CEACAM1: variants seen among roughly 807,000 people sequenced by gnomAD.
CEACAM1 encodes CEA cell adhesion molecule 1, also known as cell adhesion molecule CEACAM1.
In CEACAM1, 31 loss-of-function variants were observed where a neutral mutation model predicts 49.1. The observed-to-expected ratio is 0.63, with a 90% CI of 0.47 to 0.85. The LOEUF (loss-of-function observed/expected upper bound fraction) is 0.85. Ranked by LOEUF, CEACAM1 falls within the 40% of genes least tolerant of loss-of-function variation. CEACAM1 has a pLI of 0.00. For missense variants in CEACAM1, 570 were observed against 645.3 expected (o/e 0.88, Z 1.26); for synonymous variants, 244 against 247.8 (o/e 0.98, Z 0.14).
intron 3 of CEACAM1, 38 bp from the exon 4 acceptor site, chr19:42,521,559 A>G: frequency 6.3e-7 from 1 of 1,598,770 alleles, no homozygotes; most frequent in Non-Finnish European, 8.5e-7. Flanking sequence ...TGATGTCATC[A>G]GAGGGAAGGG....
At position 42,521,275 on chromosome 19, in the gene CEACAM1, A is replaced by G. The variant is rs971230263; in HGVS notation, c.950T>C (p.Ile317Thr). 8 of 1,614,142 alleles carry G rather than the reference A, an allele frequency of 5.0e-6. No homozygotes were observed. In the Admixed American group the frequency reaches 6.7e-5, roughly 13 times the overall value. The change falls in exon 4 of 9, where the codon ATA becomes ACA. Residue 317 changes from isoleucine to threonine, a missense_variant. Physicochemically the swap from Ile to Thr is moderately conservative, Grantham distance 89. Coordinates refer to ENST00000161559, the MANE Select transcript of CEACAM1 (RefSeq NM_001712.5). ...CTCCAGGAATTACTTACCAGTGACT[A>G]TGATCGTCTTGACTGTGGTCCTGTT... ...GCNRTTVKTIIVTELSPVVAK... is the reference protein window; with the variant it reads ...GCNRTTVKTITVTELSPVVAK...
intron 2 of CEACAM1, among the ~76,000 whole-genome samples, chr19:42,526,208 G>C (rs1429838904): frequency 6.6e-6 from 1 of 152,002 alleles, no homozygotes; most frequent in Non-Finnish European, 1.5e-5. Flanking sequence ...CATCCACCTC[G>C]GCCTCCCAAA....
rs551715375 is a variant in CEACAM1, at chr19:42,508,253, C to T, written c.*856G>A. ...ATTCTTTAACAATAATTTAAATAAT[C>T]GCTGAAGGGCAGCTCTCTGATTCCT... On this transcript the variant is annotated 3_prime_UTR_variant, in exon 9 of 9. Coordinates refer to ENST00000161559, the MANE Select transcript of CEACAM1 (RefSeq NM_001712.5). 3.3e-5 allele frequency: 5 copies of T among 152,276 alleles called. No individual in the cohort carries two copies. Among genetic ancestry groups the T allele is most frequent in the Admixed American group, 6.5e-5 (1 of 15,288 alleles). 9.4% of individuals were successfully genotyped at this position (152,276 alleles called of 1,614,324 possible). A position where few individuals can be genotyped will look rare whatever the true frequency, so the allele number is the denominator to read the frequency against.
intron 1 of CEACAM1, 70 bp downstream of exon 1, chr19:42,528,241 C>T: frequency 7.2e-7 from 1 of 1,392,288 alleles, no homozygotes; most frequent in Non-Finnish European, 1.0e-6. Context: ...GAGCTCCATC[C>T]TCCCCAGAGG....
At chr19:42,518,627 A>G (rs941481324) in intron 5 of CEACAM1, 11 of 302,084 alleles carry the variant, frequency 3.6e-5, no homozygotes, top group Non-Finnish European at 6.3e-5. Context: ...CCTCCCGAGT[A>G]GCTGGGACTA....
intron 4 of CEACAM1, among the ~76,000 whole-genome samples, chr19:42,520,251 C>CTA (rs1445378386): frequency 2.0e-5 from 3 of 152,262 alleles, no homozygotes; most frequent in African/African-American, 7.2e-5. Context: ...GTGCTCTGTG[C>CTA]TATCCCATGT....
chr19:42,513,136 G>A (rs1237871866), intron 5 of CEACAM1, among the ~76,000 whole-genome samples: 3 of 152,216 alleles, frequency 2.0e-5, no homozygotes, highest in African/African-American at 7.2e-5. Context: ...CAGTGTCTCA[G>A]TTGTGGCAGT....
intron 2 of CEACAM1, among the ~76,000 whole-genome samples, chr19:42,523,741 C>A (rs2041817874): frequency 6.6e-6 from 1 of 152,172 alleles, no homozygotes; most frequent in Non-Finnish European, 1.5e-5. Context: ...GTTATTAATA[C>A]TCTGGATCTA....
chr19:42,514,480 T>C (rs897725617), intron 5 of CEACAM1, among the ~76,000 whole-genome samples: 5 of 152,190 alleles, frequency 3.3e-5, no homozygotes, highest in Non-Finnish European at 5.9e-5. Context: ...GGTTCCACTA[T>C]ATTGCCTAGG....
chr19:42,518,255 A>T (rs558869571), intron 5 of CEACAM1, among the ~76,000 whole-genome samples: 1 of 152,030 alleles, frequency 6.6e-6, no homozygotes, highest in African/African-American at 2.4e-5. Context: ...TCTACAAAAA[A>T]ACTTAAAAAC....
rs1489587168 is a variant in CEACAM1, at chr19:42,522,048, C to T, written c.579G>A (p.Leu193=). 6.2e-6 allele frequency: 10 copies of T among 1,614,086 alleles called. No homozygotes were observed. The highest frequency in any genetic ancestry group is 7.6e-6 in the Non-Finnish European group (9 of 1,180,040). ...QSLPVSPRLQ[L]SNGNRTLTLL... ...GAGTGAGGGTCCTGTTGCCATTGGA[C>T]AGCTGCAGCCTGGGACTGACCGGGA... The change falls in exon 3 of 9, where the codon CTG becomes CTA. Residue 193 remains leucine (L), a synonymous_variant. Transcript: ENST00000161559.
At position 42,527,012 on chromosome 19, in the gene CEACAM1, A is replaced by G. The variant is rs368731299; in HGVS notation, c.424+29T>C. 4.1e-5 allele frequency: 64 copies of G among 1,577,296 alleles called. No individual in the cohort carries two copies. In the African/African-American group the frequency reaches 7.8e-4, roughly 19 times the overall value. ...TGTGGGAAGTAGAACTAACCCCCCA[A>G]CACCCAGAGGTCATGGGGAAATACT... On this transcript the variant is annotated intron_variant, in intron 2 of 8. Coordinates refer to ENST00000161559, the MANE Select transcript of CEACAM1 (RefSeq NM_001712.5).
chr19:42,524,363 C>A (rs1008391917), intron 2 of CEACAM1, among the ~76,000 whole-genome samples: 12 of 152,216 alleles, frequency 7.9e-5, no homozygotes, highest in African/African-American at 2.9e-4. Flanking sequence ...AGTTAGGAGT[C>A]AAATGGGTGA....
chr19:42,512,296 C>G (rs892187985), intron 6 of CEACAM1, 54 bp downstream of exon 6: 205 of 1,605,098 alleles, frequency 1.3e-4, no homozygotes, highest in Non-Finnish European at 1.7e-4. Context: ...TTCCCTCTCC[C>G]AAGCATGGCA....
chr19:42,524,799 A>G (rs1034923174), intron 2 of CEACAM1, among the ~76,000 whole-genome samples: 1 of 152,154 alleles, frequency 6.6e-6, no homozygotes, highest in African/African-American at 2.4e-5. Flanking sequence ...GACCCCAGCA[A>G]CCAGGAGCCT....
At position 42,518,974 on chromosome 19, in the gene CEACAM1, CT is replaced by C; in HGVS notation, c.1219del (p.Ser407AlafsTer6). 1 of 1,614,166 alleles carries C rather than the reference CT, an allele frequency of 6.2e-7. No homozygotes were observed. Among genetic ancestry groups the C allele is most frequent in the Non-Finnish European group, 8.5e-7 (1 of 1,180,028 alleles). On this transcript the variant is annotated frameshift_variant, in exon 5 of 9. Transcript: ENST00000161559. LOFTEE classifies it high-confidence loss of function. ...GTTTACGTTCAGCATGATGGGGTCG[CT>C]TTGGTTCTTACTGATTGGGTTGAAG... The part of the protein sequence containing the change: ...EVFNPISKNQ[S>X]DPIMLNVNYN...
chr19:42,527,242 C>A lies in CEACAM1; in HGVS notation c.223G>T (p.Gly75Cys), dbSNP rs923879481. 1.5e-5 allele frequency: 25 copies of A among 1,613,864 alleles called. No individual in the cohort carries two copies. The African/African-American group carries it at 3.2e-4, about 21-fold the overall frequency. The stretch of plus-strand genomic sequence containing the variant: ...GCATATCCTACAATTTGACGGTTGC[C>A]ATCCACTCTTTCCCCTTTGTACCAG... ...YSWYKGERVD[G>C]NRQIVGYAIG... The change falls in exon 2 of 9, where the codon GGC (glycine) becomes TGC (cysteine). Residue 75 changes from glycine to cysteine, a missense_variant. By Grantham distance (159) the Gly-to-Cys change is radical (BLOSUM62 -3). Transcript: ENST00000161559.
chr19:42,527,806 T>G (rs2041934058), intron 1 of CEACAM1: 1 of 201,106 alleles, frequency 5.0e-6, no homozygotes, highest in Admixed American at 5.3e-5. Context: ...TCTAGATCTC[T>G]TTGCTTGTCT....
intron 5 of CEACAM1, among the ~76,000 whole-genome samples, chr19:42,513,134 C>T (rs2041503231): frequency 6.6e-6 from 1 of 152,202 alleles, no homozygotes; most frequent in Non-Finnish European, 1.5e-5. Flanking sequence ...CTCAGTGTCT[C>T]AGTTGTGGCA....
Sources: allele counts gnomAD v4.1 joint callset (sites outside exome capture counted in the v4.1 genomes callset), GRCh38; gene constraint gnomAD v4.1.1; transcripts MANE v1.5; gene names NCBI Gene and HGNC (gene_info 2026-07-23, HGNC 2026-07-21).